LEMD3: variants seen among roughly 807,000 people sequenced by gnomAD.
LEMD3 encodes inner nuclear membrane protein Man1.
A neutral mutation model predicts 95.2 loss-of-function variants in LEMD3; 33 were observed. The observed-to-expected ratio is 0.35, with a 90% CI of 0.26 to 0.46. The LOEUF (loss-of-function observed/expected upper bound fraction) is 0.46. Among genes scored for constraint, LEMD3 ranks in the 20% least tolerant of loss-of-function variants. The pLI is 1.00. For synonymous variants in LEMD3, 525 were observed against 474.6 expected, an observed-to-expected ratio of 1.11 and a Z score of -1.38; for missense variants, 1,210 against 1,192.8, an observed-to-expected ratio of 1.01 and a Z score of -0.21.
chr12:65,215,323 A>G (rs530350723), intron 2 of LEMD3, among the ~76,000 whole-genome samples: 2 of 152,254 alleles, frequency 1.3e-5, no homozygotes, highest in South Asian at 2.1e-4. Context: ...TTTACAGAAG[A>G]AGGAGGGAAG....
chr12:65,185,386 G>T (rs777714607), intron 1 of LEMD3, among the ~76,000 whole-genome samples: 1 of 152,104 alleles, frequency 6.6e-6, no homozygotes, highest in African/African-American at 2.4e-5. Context: ...GTTTTCAACT[G>T]TGGACTGAGA....
In LEMD3 at chr12:65,247,487, CTG is replaced by C. The variant is rs1368075131; in HGVS notation, c.*1164_*1165del. 2.6e-5 allele frequency: 4 copies of C among 152,282 alleles called. No homozygotes were observed. Among genetic ancestry groups the C allele is most frequent in the Admixed American group, 2.6e-4 (4 of 15,268 alleles). 9.4% of individuals were successfully genotyped at this position (152,282 alleles called of 1,614,324 possible). On this transcript the variant is annotated 3_prime_UTR_variant, in exon 13 of 13. Coordinates refer to ENST00000308330, the MANE Select transcript of LEMD3 (RefSeq NM_014319.5). ...TGCAATATAGTAAATGCACGATTGA[CTG>C]TTGCTTTGTGCCTCAGTATTTAATT...
At chr12:65,235,930 A>G (rs533608029) in intron 4 of LEMD3, among the ~76,000 whole-genome samples, 1 of 152,296 alleles carries the variant, frequency 6.6e-6, no homozygotes, top group South Asian at 2.1e-4. Flanking sequence ...GCTATAATAA[A>G]CACCCAAGCT....
chr12:65,208,862 T>C (rs2136334637), intron 1 of LEMD3, among the ~76,000 whole-genome samples: 1 of 152,224 alleles, frequency 6.6e-6, no homozygotes, highest in African/African-American at 2.4e-5. Flanking sequence ...ATACTCCAGG[T>C]ATTTTAGACT....
At chr12:65,184,196 A>G (rs1017021328) in intron 1 of LEMD3, among the ~76,000 whole-genome samples, 3 of 152,188 alleles carry the variant, frequency 2.0e-5, no homozygotes, top group African/African-American at 7.2e-5. Flanking sequence ...TAATTTGAAT[A>G]ATTTCTTTGA....
chr12:65,174,644 C>CTG (rs147473823), intron 1 of LEMD3, among the ~76,000 whole-genome samples: 87 of 151,190 alleles, frequency 5.8e-4, no homozygotes, highest in Admixed American at 8.6e-4. Flanking sequence ...AAATACATCT[C>CTG]TGTGTGTGTG....
At chr12:65,187,228 TTAGTTGGGCTCTTTTGG>T (rs1283246311) in intron 1 of LEMD3, among the ~76,000 whole-genome samples, 3 of 152,110 alleles carry the variant, frequency 2.0e-5, no homozygotes, top group African/African-American at 7.2e-5. Flanking sequence ...AGATAATGTT[TTAGTTGGGCTCTTTTGG>T]TTATAAGGAT....
chr12:65,214,421 A>G (rs1261632565), intron 2 of LEMD3, among the ~76,000 whole-genome samples: 7 of 152,244 alleles, frequency 4.6e-5, no homozygotes. Context: ...ATACGTAGGA[A>G]GGCAAGTAGT....
intron 4 of LEMD3, among the ~76,000 whole-genome samples, chr12:65,231,304 T>C (rs888747409): frequency 1.3e-5 from 2 of 152,020 alleles, no homozygotes; most frequent in African/African-American, 4.8e-5. Context: ...TTAAACAGGA[T>C]TTTTTTCCCC....
chr12:65,239,930 T>G lies in LEMD3; in HGVS notation c.1923T>G (p.Gly641=). ...VTHRLLLLCL[G]VVMVCVVLRY... Reference sequence around the variant, plus strand: ...ATACAAAGTATATTAATATTACAGGTGTAGTGATGGTTTGTGTCGTTCTGC... The same window carrying G: ...ATACAAAGTATATTAATATTACAGGGGTAGTGATGGTTTGTGTCGTTCTGC... The change falls in exon 7 of 13, where the codon GGT becomes GGG. Residue 641 remains glycine, a splice_region_variant and synonymous_variant. Coordinates refer to ENST00000308330, the MANE Select transcript of LEMD3 (RefSeq NM_014319.5). 1 of 1,589,138 alleles carries G rather than the reference T, an allele frequency of 6.3e-7. No homozygotes were observed. Among genetic ancestry groups the G allele is most frequent in the South Asian group, 1.1e-5 (1 of 90,530 alleles).
chr12:65,238,839 G>A (rs1335026348), intron 6 of LEMD3, 25 bp downstream of exon 6: 1 of 1,612,694 alleles, frequency 6.2e-7, no homozygotes, highest in Non-Finnish European at 8.5e-7. Flanking sequence ...TAAGAAATGA[G>A]ATAAATTGCA....
At chr12:65,233,864 T>C (rs1229456409) in intron 4 of LEMD3, among the ~76,000 whole-genome samples, 9 of 152,114 alleles carry the variant, frequency 5.9e-5, no homozygotes, top group Admixed American at 5.9e-4. Flanking sequence ...ATTTTGAAAA[T>C]AAAGAACATT....
intron 2 of LEMD3, among the ~76,000 whole-genome samples, chr12:65,215,188 T>C (rs1215280668): frequency 1.3e-5 from 2 of 152,200 alleles, no homozygotes; most frequent in Non-Finnish European, 2.9e-5. Flanking sequence ...AATGCTTTCA[T>C]GCCTTCATGC....
intron 1 of LEMD3, among the ~76,000 whole-genome samples, chr12:65,173,217 C>T (rs1868611161): frequency 2.0e-5 from 3 of 152,116 alleles, no homozygotes; most frequent in African/African-American, 7.2e-5. Flanking sequence ...AAGTAATTGA[C>T]TATTTGGTAG....
intron 1 of LEMD3, among the ~76,000 whole-genome samples, chr12:65,201,375 A>T (rs1869595700): frequency 6.6e-6 from 1 of 152,192 alleles, no homozygotes; most frequent in African/African-American, 2.4e-5. Flanking sequence ...GAATCTATAG[A>T]TCAAGTTGAG....
intron 4 of LEMD3, among the ~76,000 whole-genome samples, chr12:65,234,286 C>T (rs12314650): frequency 0.021 from 3,182 of 152,240 alleles, 126 homozygotes; most frequent in African/African-American, 0.074. Context: ...TACTCTCTGG[C>T]CCTTTACGGA....
At chr12:65,172,602 G>GA (rs562292539) in intron 1 of LEMD3, among the ~76,000 whole-genome samples, 178 of 151,496 alleles carry the variant, frequency 1.2e-3, no homozygotes, top group African/African-American at 4.1e-3. Context: ...ATATTTGGGA[G>GA]AAAAAAAATA....
chr12:65,230,209 T>C (rs1870579717), intron 4 of LEMD3, among the ~76,000 whole-genome samples: 2 of 152,218 alleles, frequency 1.3e-5, no homozygotes, highest in South Asian at 4.1e-4. Context: ...ACTATAGCTT[T>C]GTAGTGTATT....
intron 4 of LEMD3, among the ~76,000 whole-genome samples, chr12:65,224,018 C>T (rs1592454439): frequency 2.0e-5 from 3 of 152,194 alleles, no homozygotes; most frequent in South Asian, 4.1e-4. Context: ...TATCTCTCTT[C>T]ATCCTTTATA....
Sources: allele counts gnomAD v4.1 joint callset (sites outside exome capture counted in the v4.1 genomes callset), GRCh38; gene constraint gnomAD v4.1.1; transcripts MANE v1.5; gene names NCBI Gene and HGNC (gene_info 2026-07-23, HGNC 2026-07-21).